SLC8A1: variants seen among roughly 807,000 people sequenced by gnomAD.
SLC8A1 encodes sodium/calcium exchanger 1.
In SLC8A1, 18 loss-of-function variants were observed where a neutral mutation model predicts 68.3. The observed-to-expected ratio is 0.26, with a 90% CI of 0.18 to 0.39. SLC8A1 has a LOEUF of 0.39. Among genes scored for constraint, SLC8A1 ranks in the 10% least tolerant of loss-of-function variants. The pLI is 1.00. For synonymous variants in SLC8A1, 475 were observed against 415.5 expected, an observed-to-expected ratio of 1.14 and a Z score of -1.74; for missense variants, 985 against 1,156.7, an observed-to-expected ratio of 0.85 and a Z score of 2.15.
chr2:40,403,403 C>T (rs1174133493), intron 2 of SLC8A1, among the ~76,000 whole-genome samples: 1 of 152,172 alleles, frequency 6.6e-6, no homozygotes, highest in Admixed American at 6.6e-5. Flanking sequence ...AGAGTCCCAG[C>T]CTCTATTCCC....
intron 2 of SLC8A1, among the ~76,000 whole-genome samples, chr2:40,235,532 G>C (rs1340618476): frequency 6.6e-6 from 1 of 151,538 alleles, no homozygotes; most frequent in African/African-American, 2.4e-5. Context: ...CAATTTTGTT[G>C]ATCCTTTCAA....
intron 4 of SLC8A1, 28 bp from the exon 7 acceptor site, chr2:40,170,377 G>T (rs1372723593): frequency 6.3e-7 from 1 of 1,597,238 alleles, no homozygotes; most frequent in East Asian, 2.2e-5. Flanking sequence ...AGAAAAATCA[G>T]CAGAATGGAT....
At chr2:40,298,389 G>C (rs1456160281) in intron 2 of SLC8A1, among the ~76,000 whole-genome samples, 2 of 152,022 alleles carry the variant, frequency 1.3e-5, no homozygotes, top group Non-Finnish European at 2.9e-5. Context: ...TGGAAAACCG[G>C]GTATACTTTG....
intron 7 of SLC8A1, among the ~76,000 whole-genome samples, chr2:40,124,262 T>C (rs1471289408): frequency 2.6e-5 from 4 of 152,194 alleles, no homozygotes; most frequent in Non-Finnish European, 4.4e-5. Context: ...TGATTCTAAG[T>C]GTATGGATCT....
chr2:40,359,170 A>G (rs1673735352), intron 2 of SLC8A1, among the ~76,000 whole-genome samples: 1 of 152,158 alleles, frequency 6.6e-6, no homozygotes, highest in South Asian at 2.1e-4. Flanking sequence ...TTCAAAATAT[A>G]TGGGCTGTAA....
chr2:40,352,572 T>A (rs550732451), intron 2 of SLC8A1, among the ~76,000 whole-genome samples: 1 of 152,288 alleles, frequency 6.6e-6, no homozygotes, highest in East Asian at 1.9e-4. Flanking sequence ...ATAGCACATA[T>A]CTTTGGTCTG....
At chr2:40,393,428 T>C (rs1378854374) in intron 2 of SLC8A1, among the ~76,000 whole-genome samples, 1 of 152,156 alleles carries the variant, frequency 6.6e-6, no homozygotes, top group East Asian at 1.9e-4. Flanking sequence ...TATTTACAGG[T>C]TCAAGGGTGG....
At chr2:40,486,931 T>C (rs1176374532) in intron 1 of SLC8A1, among the ~76,000 whole-genome samples, 1 of 135,348 alleles carries the variant, frequency 7.4e-6, no homozygotes, top group Non-Finnish European at 1.5e-5. Context: ...CTGAGCAAAC[T>C]ATTGCAAGGA....
At chr2:40,492,469 G>A (rs1020892473) in intron 1 of SLC8A1, among the ~76,000 whole-genome samples, 1 of 152,000 alleles carries the variant, frequency 6.6e-6, no homozygotes, top group Non-Finnish European at 1.5e-5. Flanking sequence ...AAAAGCAATG[G>A]CAACAAAAGC....
chr2:40,348,039 G>C (rs562450121), intron 2 of SLC8A1, among the ~76,000 whole-genome samples: 2 of 152,274 alleles, frequency 1.3e-5, no homozygotes, highest in African/African-American at 4.8e-5. Context: ...ATTTACTGAA[G>C]GAAGGAGGTC....
chr2:40,123,092 A>G (rs906260765), intron 7 of SLC8A1: 8 of 152,204 alleles, frequency 5.3e-5, no homozygotes. Flanking sequence ...GGAAATGATA[A>G]GACTCCACTA....
chr2:40,428,359 C>G, intron 2 of SLC8A1, 114 bp downstream of exon 2: 1 of 1,403,508 alleles, frequency 7.1e-7, no homozygotes, highest in Non-Finnish European at 9.2e-7. Flanking sequence ...AAAGCTATTC[C>G]ATTCCTTGCA....
chr2:40,344,157 G>T (rs992037513), intron 2 of SLC8A1, among the ~76,000 whole-genome samples: 1 of 152,092 alleles, frequency 6.6e-6, no homozygotes, highest in Admixed American at 6.6e-5. Flanking sequence ...GTCAGCTGAG[G>T]GCATGGCATG....
At chr2:40,398,299 C>G (rs1329600187) in intron 2 of SLC8A1, among the ~76,000 whole-genome samples, 2 of 152,114 alleles carry the variant, frequency 1.3e-5, no homozygotes. Context: ...CTCAGCACTA[C>G]CAGCAGAGTC....
intron 1 of SLC8A1, among the ~76,000 whole-genome samples, chr2:40,441,040 A>G (rs1700375404): frequency 6.6e-6 from 1 of 152,332 alleles, no homozygotes. Flanking sequence ...CCAGTGTCTC[A>G]GCCCAAAAAC....
chr2:40,136,721 T>A (rs2040560868), intron 7 of SLC8A1, among the ~76,000 whole-genome samples: 1 of 152,190 alleles, frequency 6.6e-6, no homozygotes, highest in African/African-American at 2.4e-5. Flanking sequence ...ATCATTTTTC[T>A]TAGGAGTCAG....
chr2:40,387,214 T>C (rs948798149), intron 2 of SLC8A1, among the ~76,000 whole-genome samples: 8 of 151,472 alleles, frequency 5.3e-5, no homozygotes, highest in Non-Finnish European at 8.8e-5. Context: ...TTCCAGGGTC[T>C]ACATCTTTAC....
chr2:40,106,092 C>T (rs2034180850), exon 8 of SLC8A1: 1 of 152,184 alleles, frequency 6.6e-6, no homozygotes, highest in South Asian at 2.1e-4. Flanking sequence ...AAGAGCATCT[C>T]CCTTTGCTTT....
intron 2 of SLC8A1, among the ~76,000 whole-genome samples, chr2:40,254,046 T>C (rs1183524999): frequency 6.6e-6 from 1 of 152,112 alleles, no homozygotes; most frequent in Non-Finnish European, 1.5e-5. Flanking sequence ...CACAAAGAAA[T>C]GGTAAATGTT....
Sources: gnomAD v4.1 joint callset for allele counts (sites outside exome capture counted in the v4.1 genomes callset) on GRCh38, gnomAD v4.1.1 for gene constraint, MANE v1.5 for transcripts, NCBI Gene and HGNC (gene_info 2026-07-23, HGNC 2026-07-21) for gene names.